The following SLC4A10 variants were observed in gnomAD, a reference collection of about 807,000 sequenced individuals.
SLC4A10 encodes sodium-driven chloride bicarbonate exchanger.
Under a neutral mutation model 137.7 loss-of-function variants are expected in SLC4A10, and 42 were observed. The observed-to-expected ratio is 0.30, with a 90% CI of 0.24 to 0.39. SLC4A10 has a LOEUF of 0.39. SLC4A10 is among the 10% of genes least tolerant of loss of function. SLC4A10 has a pLI of 1.00. For synonymous variants in SLC4A10, 474 were observed against 464.1 expected (o/e 1.02, Z -0.27); for missense variants, 925 against 1,355.0 (o/e 0.68, Z 4.98).
intron 1 of SLC4A10, among the ~76,000 whole-genome samples, chr2:161,703,736 A>T (rs929013138): frequency 2.0e-5 from 3 of 151,760 alleles, no homozygotes; most frequent in African/African-American, 7.2e-5. Flanking sequence ...ATGATGTATT[A>T]TTAAGGTTTG....
intron 23 of SLC4A10, among the ~76,000 whole-genome samples, 176 bp from the exon 24 acceptor site, chr2:161,974,073 T>C (rs1242157364): frequency 6.6e-6 from 1 of 152,232 alleles, no homozygotes; most frequent in Non-Finnish European, 1.5e-5. Flanking sequence ...ATTAATTACT[T>C]ATGTTCTTGG....
At chr2:161,969,183 C>T (rs1698098309) in intron 23 of SLC4A10, among the ~76,000 whole-genome samples, 1 of 152,144 alleles carries the variant, frequency 6.6e-6, no homozygotes, top group South Asian at 2.1e-4. Flanking sequence ...CCAGGGTTTT[C>T]CTATCAGTAG....
rs149172336 is a variant in SLC4A10 at position 161,971,733 on chromosome 2, T to A, written c.3160-2516T>A. ...TGCAGCCGGCCCTCCATCCCCGCGC[T>A]CCGGGGCCCACCCAGCTTCCTTCTG... is the stretch of plus-strand genomic sequence containing the variant. On this transcript the variant is annotated intron_variant, in intron 23 of 26. Transcript: ENST00000446997. Among the ~76,000 whole-genome samples, 16 of 152,310 alleles carry A rather than the reference T, an allele frequency of 1.1e-4. No individual in the cohort carries two copies. In the East Asian group the frequency reaches 2.7e-3, roughly 26 times the overall value.
At chr2:161,892,979 G>A (rs537095102) in intron 10 of SLC4A10, among the ~76,000 whole-genome samples, 26 of 152,172 alleles carry the variant, frequency 1.7e-4, no homozygotes, top group African/African-American at 6.3e-4. Context: ...AGATGTAGGA[G>A]AGAGGCTCTG....
intron 6 of SLC4A10, among the ~76,000 whole-genome samples, chr2:161,865,871 G>C (rs901702274): frequency 9.2e-5 from 14 of 151,868 alleles, no homozygotes; most frequent in African/African-American, 3.1e-4. Flanking sequence ...AGTTCAGAGA[G>C]ATGCAAAAGG....
chr2:161,852,679 A>G (rs1409163075), intron 4 of SLC4A10, among the ~76,000 whole-genome samples: 1 of 152,244 alleles, frequency 6.6e-6, no homozygotes, highest in African/African-American at 2.4e-5. Context: ...TTAGCATAAG[A>G]TCTTTGAACT....
chr2:161,747,643 T>TC (rs1302119975), intron 1 of SLC4A10, among the ~76,000 whole-genome samples: 1 of 152,148 alleles, frequency 6.6e-6, no homozygotes, highest in East Asian at 1.9e-4. Context: ...CACCTCTGTC[T>TC]CCCCCACCTT....
chr2:161,895,757 G>A (rs886076757), intron 11 of SLC4A10, among the ~76,000 whole-genome samples: 2 of 152,056 alleles, frequency 1.3e-5, no homozygotes, highest in African/African-American at 4.8e-5. Context: ...TTTTGATGGG[G>A]TTGTTTGTTT....
Position 161,965,135 on chromosome 2 carries a change from G to A in SLC4A10, c.3121G>A (p.Glu1041Lys), listed in dbSNP as rs1254693801. The A allele has an allele frequency of 1.2e-6, 2 of 1,611,486 alleles. No homozygotes were observed. Among genetic ancestry groups the A allele is most frequent in the African/African-American group, 1.3e-5 (1 of 74,854 alleles). ...CAGCTGGTTGGATGATTTGATGCCC[G>A]AGAGTAAGAAAAAGAAACTGGAAGA... ...ELSWLDDLMPESKKKKLEDAE... is the reference protein window; with the variant it reads ...ELSWLDDLMPKSKKKKLEDAE... The change falls in exon 23 of 27, where the codon GAG becomes AAG. Residue 1041 changes from glutamate to lysine, a missense_variant. Coordinates refer to ENST00000446997, the MANE Select transcript of SLC4A10 (RefSeq NM_001178015.2).
chr2:161,787,722 C>G (rs1210226754), intron 2 of SLC4A10, among the ~76,000 whole-genome samples: 1 of 152,028 alleles, frequency 6.6e-6, no homozygotes, highest in Admixed American at 6.6e-5. Context: ...TTAATGTTTT[C>G]AATTGTACAT....
chr2:161,847,914 T>C (rs1055304291), intron 4 of SLC4A10, among the ~76,000 whole-genome samples: 3 of 152,290 alleles, frequency 2.0e-5, no homozygotes, highest in Non-Finnish European at 2.9e-5. Context: ...CTGGGATGAA[T>C]GATAGTTCTG....
intron 8 of SLC4A10, among the ~76,000 whole-genome samples, chr2:161,878,676 T>C (rs2061576583): frequency 6.6e-6 from 1 of 152,180 alleles, no homozygotes; most frequent in South Asian, 2.1e-4. Context: ...AGTCATAATT[T>C]ATACTGTAAA....
At chr2:161,810,992 T>C (rs2056498477) in intron 3 of SLC4A10, among the ~76,000 whole-genome samples, 1 of 152,076 alleles carries the variant, frequency 6.6e-6, no homozygotes, top group African/African-American at 2.4e-5. Flanking sequence ...ATCCGCCTGG[T>C]TCAGGGCTTT....
At chr2:161,845,497 T>C (rs930216030) in intron 4 of SLC4A10, among the ~76,000 whole-genome samples, 5 of 152,078 alleles carry the variant, frequency 3.3e-5, no homozygotes, top group Admixed American at 3.3e-4. Context: ...ACTAACAAAC[T>C]GTTTGGAACT....
At chr2:161,892,848 A>G (rs1324852950) in intron 10 of SLC4A10, among the ~76,000 whole-genome samples, 3 of 152,114 alleles carry the variant, frequency 2.0e-5, no homozygotes, top group African/African-American at 7.2e-5. Flanking sequence ...CACTTACTAT[A>G]TTAAGTACGT....
chr2:161,650,511 C>T (rs2105576542), intron 1 of SLC4A10, among the ~76,000 whole-genome samples: 1 of 151,986 alleles, frequency 6.6e-6, no homozygotes, highest in South Asian at 2.1e-4. Context: ...AGGGGAGCCC[C>T]ATGTTTCTGT....
At chr2:161,839,128 A>G (rs1233807726) in intron 3 of SLC4A10, among the ~76,000 whole-genome samples, 2 of 152,256 alleles carry the variant, frequency 1.3e-5, no homozygotes, top group Non-Finnish European at 2.9e-5. Flanking sequence ...TTACTCAGCT[A>G]TGAAAAAGAA....
intron 1 of SLC4A10, among the ~76,000 whole-genome samples, chr2:161,665,971 T>C (rs2038994422): frequency 6.7e-6 from 1 of 148,932 alleles, no homozygotes; most frequent in Non-Finnish European, 1.5e-5. Flanking sequence ...ACTATATTAA[T>C]ATAGTCTTTG....
rs1305273398 is a variant in SLC4A10 at position 161,862,974 on chromosome 2, G to T, written c.678G>T (p.Gln226His). Residue 226 changes from glutamine (Q) to histidine (H), a missense_variant, in exon 6 of 27, where the codon CAG becomes CAT. Around this residue, in one of 11 missense-constraint regions of SLC4A10, gnomAD observed 277 missense variants for 306.1 expected, o/e 0.90. Coordinates refer to ENST00000446997, the MANE Select transcript of SLC4A10 (RefSeq NM_001178015.2). ...ALMKQHHHQN[Q>H]KKLTNRIPIV... ...TGAAACAGCATCATCATCAGAATCA[G>T]AAAAAACTCACCAACAGGATTCCCA... 6.2e-7 allele frequency: 1 copy of T among 1,613,856 alleles called. No homozygotes were observed. The highest frequency in any genetic ancestry group is 8.5e-7 in the Non-Finnish European group (1 of 1,179,852).
Sources: gnomAD v4.1 joint callset for allele counts (sites outside exome capture counted in the v4.1 genomes callset) on GRCh38, gnomAD v4.1.1 for gene constraint, gnomAD v4.1.1 regional missense constraint, MANE v1.5 for transcripts, NCBI Gene and HGNC (gene_info 2026-07-23, HGNC 2026-07-21) for gene names.